FUT9: variants seen among roughly 807,000 people sequenced by gnomAD.
FUT9 encodes 4-galactosyl-N-acetylglucosaminide 3-alpha-L-fucosyltransferase 9.
Under a neutral mutation model 29.7 loss-of-function variants are expected in FUT9, and 15 were observed. The ratio of observed to expected loss-of-function variants is 0.51; its 90% CI spans 0.34 to 0.78. The LOEUF is 0.78. Among genes scored for constraint, FUT9 ranks in the 30% least tolerant of loss-of-function variants. The pLI is 0.01. For synonymous variants in FUT9, 169 were observed against 153.7 expected (o/e 1.10, Z -0.74); for missense variants, 319 against 425.4 (o/e 0.75, Z 2.20).
chr6:96,028,999 G>A (rs975403559), intron 1 of FUT9, among the ~76,000 whole-genome samples: 6 of 151,310 alleles, frequency 4.0e-5, no homozygotes, highest in Non-Finnish European at 8.9e-5. Context: ...ACAAAACAAA[G>A]CCAGAGGAAC....
At chr6:96,188,643 A>ATG (rs34635425) in intron 2 of FUT9, among the ~76,000 whole-genome samples, 401 of 146,860 alleles carry the variant, frequency 2.7e-3, no homozygotes, top group Middle Eastern at 0.011. Context: ...ATATATATAT[A>ATG]TGTGTGTGTG....
intron 1 of FUT9, among the ~76,000 whole-genome samples, chr6:96,099,928 C>T (rs946288650): frequency 3.3e-5 from 5 of 152,078 alleles, no homozygotes; most frequent in Non-Finnish European, 4.4e-5. Context: ...GATTTTTATG[C>T]AGTCTGCAAC....
intron 2 of FUT9, among the ~76,000 whole-genome samples, chr6:96,160,401 T>C (rs748017860): frequency 6.6e-6 from 1 of 152,194 alleles, no homozygotes; most frequent in Admixed American, 6.5e-5. Context: ...TTTCCATTAC[T>C]ATCCATGTTT....
chr6:96,210,668 G>C lies in FUT9; in HGVS notation c.*6433G>C, dbSNP rs1035626164. On this transcript the variant is annotated 3_prime_UTR_variant, in exon 3 of 3. Coordinates refer to ENST00000302103, the MANE Select transcript of FUT9 (RefSeq NM_006581.4). ...TTTATATTTTGCAACAGGAAAGACT[G>C]GTCTAGACAATTACTAGGATATATG... is the stretch of plus-strand genomic sequence containing the variant. 1 of 166,836 alleles carries C rather than the reference G, an allele frequency of 6.0e-6. No homozygotes were observed. The highest frequency in any genetic ancestry group is 2.4e-5 in the African/African-American group (1 of 41,408). 10.3% of individuals were successfully genotyped at this position (166,836 alleles called of 1,614,324 possible). A position where few individuals can be genotyped will look rare whatever the true frequency, so the allele number is the denominator to read the frequency against.
At chr6:96,195,860 T>A (rs1773615230) in intron 2 of FUT9, among the ~76,000 whole-genome samples, 1 of 152,184 alleles carries the variant, frequency 6.6e-6, no homozygotes, top group Admixed American at 6.5e-5. Context: ...ACTATGATAG[T>A]GAAGATCACA....
chr6:96,101,858 G>A (rs985200678), intron 1 of FUT9, among the ~76,000 whole-genome samples: 18 of 150,084 alleles, frequency 1.2e-4, no homozygotes, highest in Admixed American at 6.6e-5. Flanking sequence ...GTCTTGCTAT[G>A]CTGCACAGGC....
intron 1 of FUT9, among the ~76,000 whole-genome samples, chr6:96,104,820 G>A (rs1414580137): frequency 6.6e-6 from 1 of 152,136 alleles, no homozygotes; most frequent in African/African-American, 2.4e-5. Flanking sequence ...ATGAGCCACC[G>A]CGCCTGGCCA....
chr6:96,055,113 T>A (rs1203909530), intron 1 of FUT9, among the ~76,000 whole-genome samples: 1 of 152,202 alleles, frequency 6.6e-6, no homozygotes, highest in East Asian at 1.9e-4. Context: ...ATTCTGCTCT[T>A]ATTTAATACT....
chr6:96,144,644 G>A (rs1394115720), intron 2 of FUT9, among the ~76,000 whole-genome samples: 1 of 151,988 alleles, frequency 6.6e-6, no homozygotes, highest in Non-Finnish European at 1.5e-5. Flanking sequence ...AATGGGAGGA[G>A]GCTAATTATA....
chr6:96,116,942 G>A (rs1019590416), intron 2 of FUT9, among the ~76,000 whole-genome samples: 14 of 151,968 alleles, frequency 9.2e-5, no homozygotes, highest in Non-Finnish European at 1.9e-4. Context: ...TCTGCAGCAT[G>A]CACATTAAAA....
intron 1 of FUT9, among the ~76,000 whole-genome samples, chr6:96,076,661 T>C (rs548567883): frequency 1.3e-5 from 2 of 152,326 alleles, no homozygotes; most frequent in South Asian, 4.1e-4. Flanking sequence ...ATTATACTGT[T>C]TGATATATAG....
In FUT9 at chr6:96,207,868, T is replaced by C. The variant is rs189736854; in HGVS notation, c.*3633T>C. 1 of 166,810 alleles carries C rather than the reference T, an allele frequency of 6.0e-6. No individual in the cohort carries two copies. The highest frequency in any genetic ancestry group is 2.4e-5 in the African/African-American group (1 of 41,398). 10.3% of individuals were successfully genotyped at this position (166,810 alleles called of 1,614,324 possible). A position where few individuals can be genotyped will look rare whatever the true frequency, so the allele number is the denominator to read the frequency against. ...AGACCTTACTAATAAGAATATATAC[T>C]GAATTGTCCACATCCAGAGTATTAC... On this transcript the variant is annotated 3_prime_UTR_variant, in exon 3 of 3. Transcript: ENST00000302103.
At chr6:96,034,023 T>A (rs184434681) in intron 1 of FUT9, among the ~76,000 whole-genome samples, 50 of 151,674 alleles carry the variant, frequency 3.3e-4, no homozygotes, top group Admixed American at 3.0e-3. Flanking sequence ...AGGGAAACCA[T>A]AGGACAAACA....
chr6:96,194,277 A>G (rs985712445), intron 2 of FUT9, among the ~76,000 whole-genome samples: 2 of 152,136 alleles, frequency 1.3e-5, no homozygotes, highest in Admixed American at 6.6e-5. Context: ...GCCTCTTTCC[A>G]AAGTTTCTGA....
At chr6:96,131,687 A>G (rs1338652620) in intron 2 of FUT9, among the ~76,000 whole-genome samples, 2 of 152,150 alleles carry the variant, frequency 1.3e-5, no homozygotes, top group Admixed American at 6.6e-5. Context: ...TCTGGGAGTC[A>G]TTCTCATAAG....
At chr6:96,106,771 C>T (rs1010588145) in intron 1 of FUT9, among the ~76,000 whole-genome samples, 11 of 152,134 alleles carry the variant, frequency 7.2e-5, no homozygotes, top group African/African-American at 2.4e-4. Context: ...TATCATTCAT[C>T]GGTTTAATTA....
chr6:96,067,286 A>G (rs1770978899), intron 1 of FUT9, among the ~76,000 whole-genome samples: 1 of 151,852 alleles, frequency 6.6e-6, no homozygotes, highest in Admixed American at 6.6e-5. Context: ...CTGGGAACAT[A>G]TGTTTGAGGT....
chr6:96,109,472 G>T (rs982810408), intron 1 of FUT9, among the ~76,000 whole-genome samples: 1 of 152,020 alleles, frequency 6.6e-6, no homozygotes, highest in Non-Finnish European at 1.5e-5. Context: ...CTTGCATAAA[G>T]ATCTATATTT....
chr6:96,100,913 G>A (rs1771575749), intron 1 of FUT9, among the ~76,000 whole-genome samples: 1 of 152,136 alleles, frequency 6.6e-6, no homozygotes, highest in Admixed American at 6.6e-5. Flanking sequence ...TACATTAAAA[G>A]TTAGAATTAG....
Sources: gnomAD v4.1 joint callset for allele counts (sites outside exome capture counted in the v4.1 genomes callset) on GRCh38, gnomAD v4.1.1 for gene constraint, MANE v1.5 for transcripts, NCBI Gene and HGNC (gene_info 2026-07-23, HGNC 2026-07-21) for gene names.